AGAP1: variants seen among roughly 807,000 people sequenced by gnomAD.
AGAP1 encodes the protein ArfGAP with GTPase domain, ankyrin repeat and PH domain 1, also known as arf-GAP with GTPase, ANK repeat and PH domain-containing protein 1.
Under a neutral mutation model 105.3 loss-of-function variants are expected in AGAP1, and 29 were observed. The observed-to-expected ratio is 0.28, with a 90% CI of 0.21 to 0.38. AGAP1 has a LOEUF of 0.38. AGAP1 is among the 10% of genes least tolerant of loss of function. The pLI is 1.00. For synonymous variants in AGAP1, 509 were observed against 485.9 expected (o/e 1.05, Z -0.63); for missense variants, 998 against 1,165.1 (o/e 0.86, Z 2.09).
Position 236,076,007 on chromosome 2 carries a change from C to T in AGAP1, c.2114+26726C>T, listed in dbSNP as rs887318316. Among the ~76,000 whole-genome samples the T allele has an allele frequency of 2.6e-5, 4 of 152,222 alleles. No homozygotes were observed. The highest frequency in any genetic ancestry group is 6.5e-5 in the Admixed American group (1 of 15,288). On this transcript the variant is annotated intron_variant, in intron 16 of 17. Coordinates refer to ENST00000304032, the MANE Select transcript of AGAP1 (RefSeq NM_001037131.3). The surrounding 1 kb of genome is among the most constrained non-coding windows in gnomAD (Gnocchi z 4.4). ...CCAGGCGGAGGCGGTGCCGCCCCCTCACATGGACCAGGGGTCTGGGGGCAG... is the reference window on the plus strand; with the variant it reads ...CCAGGCGGAGGCGGTGCCGCCCCCTTACATGGACCAGGGGTCTGGGGGCAG...
chr2:235,521,129 C>T lies in AGAP1; in HGVS notation c.163+26280C>T, dbSNP rs545595451. 7.5e-4 allele frequency among the ~76,000 whole-genome samples: 114 copies of T among 152,304 alleles called. 1 individual carries two copies. Among genetic ancestry groups the T allele is most frequent in the African/African-American group, 2.7e-3 (111 of 41,562 alleles). On this transcript the variant is annotated intron_variant, in intron 1 of 17. Transcript: ENST00000304032. ...CAGAAGACAGCTCCAGCAGAGCTTC[C>T]AACAGTGTGACCACCAGAATGAGTT...
intron 13 of AGAP1, among the ~76,000 whole-genome samples, chr2:236,019,434 C>T (rs148368721): frequency 3.9e-5 from 6 of 152,304 alleles, no homozygotes; most frequent in South Asian, 2.1e-4. Flanking sequence ...TCATGGCCTG[C>T]GGGATGTGAC....
At chr2:235,591,354 T>G (rs1345467691) in intron 1 of AGAP1, among the ~76,000 whole-genome samples, 2 of 152,176 alleles carry the variant, frequency 1.3e-5, no homozygotes, top group Non-Finnish European at 2.9e-5. Context: ...GGGAATGAAT[T>G]GACTGAACGA....
Position 236,089,145 on chromosome 2 carries a change from G to A in AGAP1, c.2115-31047G>A, listed in dbSNP as rs1320546840. 6.6e-6 allele frequency among the ~76,000 whole-genome samples: 1 copy of A among 152,194 alleles called. No homozygotes were observed. The highest frequency in any genetic ancestry group is 2.4e-5 in the African/African-American group (1 of 41,446). ...TCCAAGTCAGACCGCTCACGTGGGTGGCAGCGTCCAAGTCCAGTTTGTACA... is the reference window on the plus strand; with the variant it reads ...TCCAAGTCAGACCGCTCACGTGGGTAGCAGCGTCCAAGTCCAGTTTGTACA... On this transcript the variant is annotated intron_variant, in intron 16 of 17. Coordinates refer to ENST00000304032, the MANE Select transcript of AGAP1 (RefSeq NM_001037131.3). This position sits in a 1 kb window ranked among gnomAD's most constrained non-coding sequence, Gnocchi z 5.6.
chr2:235,677,560 G>A (rs1948808563), intron 1 of AGAP1, among the ~76,000 whole-genome samples: 1 of 152,130 alleles, frequency 6.6e-6, no homozygotes. Flanking sequence ...GACGTTGTGT[G>A]CCGGGTGTTG....
intron 1 of AGAP1, among the ~76,000 whole-genome samples, chr2:235,592,542 G>A (rs541441693): frequency 2.0e-5 from 3 of 152,274 alleles, no homozygotes; most frequent in African/African-American, 7.2e-5. Context: ...TGAGCTCTTG[G>A]AGGTTCTCCC....
intron 1 of AGAP1, among the ~76,000 whole-genome samples, chr2:235,617,726 T>G (rs1400678058): frequency 6.6e-6 from 1 of 152,196 alleles, no homozygotes; most frequent in Non-Finnish European, 1.5e-5. Context: ...ACATTTGTTT[T>G]TGAGTTATAA....
intron 9 of AGAP1, among the ~76,000 whole-genome samples, chr2:235,848,042 C>A (rs1321940764): frequency 6.6e-6 from 1 of 151,320 alleles, no homozygotes; most frequent in African/African-American, 2.4e-5. Flanking sequence ...TGAGTGATAC[C>A]TTTTTCTAGG....
chr2:235,679,953 G>A (rs1948971334), intron 1 of AGAP1, among the ~76,000 whole-genome samples: 2 of 152,212 alleles, frequency 1.3e-5, no homozygotes. Context: ...GGTGTTACGT[G>A]GATCTGTGTT....
intron 1 of AGAP1, among the ~76,000 whole-genome samples, chr2:235,513,240 C>CCGGGCGCGGGCG (rs111261000): frequency 0.65 from 99,071 of 151,398 alleles, 32,545 homozygotes; most frequent in Admixed American, 0.71. Context: ...GATCACTGTG[C>CCGGGCGCGGGCG]CGGGCGCGGG....
rs1181667873 is a variant in AGAP1 at position 235,622,477 on chromosome 2, G to A, written c.164-86702G>A. 6.6e-6 allele frequency among the ~76,000 whole-genome samples: 1 copy of A among 152,202 alleles called. No homozygotes were observed. Among genetic ancestry groups the A allele is most frequent in the Non-Finnish European group, 1.5e-5 (1 of 68,044 alleles). On this transcript the variant is annotated intron_variant, in intron 1 of 17. Transcript: ENST00000304032. The surrounding 1 kb of genome is among the most constrained non-coding windows in gnomAD (Gnocchi z 5.0). Reference sequence around the variant, plus strand: ...GCCTGGACTCAATCTGCAGAGACAGGTGTCTGGGATCTGAAGACAGCAGTT... The same window carrying A: ...GCCTGGACTCAATCTGCAGAGACAGATGTCTGGGATCTGAAGACAGCAGTT...
rs1385350686 is a variant in AGAP1, at chr2:235,569,696, C to T, written c.163+74847C>T. On this transcript the variant is annotated intron_variant, in intron 1 of 17. Transcript: ENST00000304032. The surrounding 1 kb of genome is among the most constrained non-coding windows in gnomAD (Gnocchi z 5.9). ...GAGGGTTTGTAGTCTTACACCTTTG[C>T]CAAACCCTTTCTGGGTTTTGCCCCT... is the stretch of plus-strand genomic sequence containing the variant. Among the ~76,000 whole-genome samples the T allele has an allele frequency of 6.6e-6, 1 of 152,166 alleles. No homozygotes were observed. The highest frequency in any genetic ancestry group is 1.5e-5 in the Non-Finnish European group (1 of 68,030).
At chr2:235,653,499 T>TAAAATAAAATAAAATATAAC (rs1483953992) in intron 1 of AGAP1, among the ~76,000 whole-genome samples, 2 of 130,248 alleles carry the variant, frequency 1.5e-5, no homozygotes, top group Admixed American at 8.5e-5. Context: ...TAAAATAAAA[T>TAAAATAAAATAAAATATAAC]ATAACATAAC....
intron 1 of AGAP1, among the ~76,000 whole-genome samples, chr2:235,558,176 G>A (rs1320396660): frequency 6.6e-6 from 1 of 152,100 alleles, no homozygotes; most frequent in East Asian, 1.9e-4. Context: ...ACATTTATGG[G>A]GATTACTCGG....
At position 235,631,840 on chromosome 2, in the gene AGAP1, ACT is replaced by A. The variant is rs1256875257; in HGVS notation, c.164-77335_164-77334del. Among the ~76,000 whole-genome samples, 1 of 151,922 alleles carries A rather than the reference ACT, an allele frequency of 6.6e-6. No individual in the cohort carries two copies. Among genetic ancestry groups the A allele is most frequent in the Non-Finnish European group, 1.5e-5 (1 of 67,972 alleles). ...GCCCTTCCTGCTGTCAGGTGTGGCC[ACT>A]CTCGTGAGATGCAACTGGAGGTGTT... On this transcript the variant is annotated intron_variant, in intron 1 of 17. Transcript: ENST00000304032. The surrounding 1 kb of genome is among the most constrained non-coding windows in gnomAD (Gnocchi z 5.4).
chr2:235,573,416 T>TA (rs777527923), intron 1 of AGAP1, among the ~76,000 whole-genome samples: 3 of 152,092 alleles, frequency 2.0e-5, no homozygotes, highest in Non-Finnish European at 2.9e-5. Flanking sequence ...CACACGTACT[T>TA]ACATTTTTTG....
rs1006938777 is a variant in AGAP1, at chr2:235,877,785, G to C, written c.1051-5560G>C. On this transcript the variant is annotated intron_variant, in intron 9 of 17. Transcript: ENST00000304032. This position sits in a 1 kb window ranked among gnomAD's most constrained non-coding sequence, Gnocchi z 4.3. ...TTTGCTCAGACCGTCTGGGGATCTT[G>C]TTACATTTGGATTGATCCCTCCCCC... 2.0e-5 allele frequency among the ~76,000 whole-genome samples: 3 copies of C among 152,184 alleles called. No homozygotes were observed. Among genetic ancestry groups the C allele is most frequent in the African/African-American group, 7.2e-5 (3 of 41,442 alleles).
intron 6 of AGAP1, among the ~76,000 whole-genome samples, chr2:235,757,353 C>T (rs1225247605): frequency 1.4e-5 from 2 of 146,906 alleles, no homozygotes; most frequent in African/African-American, 5.4e-5. Flanking sequence ...TGCTAGCGCT[C>T]CCGGGCCCTG....
rs542385997 is a variant in AGAP1 at position 235,611,766 on chromosome 2, A to G, written c.164-97413A>G. Among the ~76,000 whole-genome samples, 92 of 152,356 alleles carry G rather than the reference A, an allele frequency of 6.0e-4. No individual in the cohort carries two copies. The highest frequency in any genetic ancestry group is 9.8e-4 in the Non-Finnish European group (67 of 68,026). On this transcript the variant is annotated intron_variant, in intron 1 of 17. Coordinates refer to ENST00000304032, the MANE Select transcript of AGAP1 (RefSeq NM_001037131.3). This position sits in a 1 kb window ranked among gnomAD's most constrained non-coding sequence, Gnocchi z 5.0. ...GTCTTCATTTCTTTAAAGAGCATTC[A>G]TCAATGATATTAATGATTTTCATTT...
Sources: gnomAD v4.1 joint callset for allele counts (sites outside exome capture counted in the v4.1 genomes callset) on GRCh38, gnomAD v4.1.1 for gene constraint, Gnocchi (gnomAD v3.1) non-coding constraint, MANE v1.5 for transcripts, NCBI Gene and HGNC (gene_info 2026-07-23, HGNC 2026-07-21) for gene names.